IKBKB-DT: variants seen among roughly 807,000 people sequenced by gnomAD.
The protein encoded by IKBKB-DT is IKBKB divergent transcript, also known as IKBKB antisense RNA.
At chr8:42,247,998 C>G (rs1807083050) in intron 3 of IKBKB-DT, among the ~76,000 whole-genome samples, 1 of 151,324 alleles carries the variant, frequency 6.6e-6, no homozygotes, top group African/African-American at 2.4e-5. Context: ...GAGGCTGAGG[C>G]AGAAGAATTG....
chr8:42,251,703 C>A (rs1807130113), intron 3 of IKBKB-DT, among the ~76,000 whole-genome samples: 1 of 151,888 alleles, frequency 6.6e-6, no homozygotes, highest in South Asian at 2.1e-4. Flanking sequence ...TGGTGGCAGA[C>A]ACCTGTAATC....
intron 3 of IKBKB-DT, among the ~76,000 whole-genome samples, chr8:42,235,205 C>CTTT (rs746414963): frequency 4.5e-4 from 45 of 99,388 alleles, no homozygotes; most frequent in African/African-American, 1.0e-3. Flanking sequence ...CTTTTATTTT[C>CTTT]TTTTTTTTTT....
chr8:42,261,088 G>A (rs747534006), intron 3 of IKBKB-DT, among the ~76,000 whole-genome samples: 20 of 152,202 alleles, frequency 1.3e-4, no homozygotes, highest in Non-Finnish European at 2.4e-4. Flanking sequence ...CACTTTGGGA[G>A]GCTGGGGCAG....
In IKBKB-DT at chr8:42,268,495, T is replaced by C. The variant is rs530607827; in HGVS notation, n.604-2099A>G. Among the ~76,000 whole-genome samples, 8 of 152,222 alleles carry C rather than the reference T, an allele frequency of 5.3e-5. No individual in the cohort carries two copies. In the South Asian group the frequency reaches 1.7e-3, roughly 32 times the overall value. On this transcript the variant is annotated intron_variant and non_coding_transcript_variant, in intron 1 of 3. Coordinates refer to ENST00000518213, the Ensembl canonical transcript of IKBKB-DT. ...TATGTTGGCCAGGCTAGTCTTGAAC[T>C]CCTGACCTCAAGTGATCTGCCTGCC...
At chr8:42,235,447 T>G (rs1365564866) in intron 3 of IKBKB-DT, among the ~76,000 whole-genome samples, 2 of 152,140 alleles carry the variant, frequency 1.3e-5, no homozygotes, top group Non-Finnish European at 2.9e-5. Context: ...TCAAGTGATC[T>G]GCCCACCTTG....
chr8:42,255,369 C>A (rs1374954867), intron 3 of IKBKB-DT: 1 of 152,212 alleles, frequency 6.6e-6, no homozygotes, highest in Non-Finnish European at 1.5e-5. Context: ...TCAGGTTAGA[C>A]TTTCCAAGTC....
At chr8:42,267,500 C>T (rs1389575193) in intron 1 of IKBKB-DT, among the ~76,000 whole-genome samples, 3 of 152,084 alleles carry the variant, frequency 2.0e-5, no homozygotes, top group Non-Finnish European at 4.4e-5. Flanking sequence ...TCATGGCTCC[C>T]TGTGGGTCTT....
intron 3 of IKBKB-DT, chr8:42,249,189 G>A (rs985806888): frequency 1.3e-5 from 2 of 151,718 alleles, no homozygotes; most frequent in African/African-American, 4.8e-5. Context: ...AGCAATACAG[G>A]GGACCCCATC....
intron 3 of IKBKB-DT, among the ~76,000 whole-genome samples, chr8:42,254,583 T>A (rs189068752): frequency 3.0e-4 from 42 of 141,580 alleles, no homozygotes; most frequent in Admixed American, 5.0e-4. Context: ...GGCTGCCCAC[T>A]GTCTGGGAAG....
In IKBKB-DT at chr8:42,253,687, A is replaced by T. The variant is rs184380257; in HGVS notation, n.1529+9642T>A. ...TGCTGTAAAGAAATAGCACTTGAAC[A>T]TAAATTTAATTTACTCAGCAAGGCC... is the stretch of plus-strand genomic sequence containing the variant. On this transcript the variant is annotated intron_variant and non_coding_transcript_variant, in intron 3 of 3. Coordinates refer to ENST00000518213, the Ensembl canonical transcript of IKBKB-DT. Among the ~76,000 whole-genome samples the T allele has an allele frequency of 2.0e-5, 3 of 152,354 alleles. No homozygotes were observed. The East Asian group carries it at 5.8e-4, about 29-fold the overall frequency.
intron 3 of IKBKB-DT, among the ~76,000 whole-genome samples, chr8:42,259,929 C>T (rs1208026687): frequency 6.8e-6 from 1 of 146,260 alleles, no homozygotes. Flanking sequence ...TTGCAGTGAG[C>T]TGAGATTGTG....
In IKBKB-DT at chr8:42,259,067, C is replaced by G. The variant is rs144084645; in HGVS notation, n.1529+4262G>C. Among the ~76,000 whole-genome samples, 22 of 151,860 alleles carry G rather than the reference C, an allele frequency of 1.4e-4. No homozygotes were observed. In the East Asian group the frequency reaches 4.2e-3, roughly 29 times the overall value. Reference sequence around the variant, plus strand: ...CGAGATGGAGTTTCACTCTCCTTGCCCAGGCTGGAATGCAATGGCGCTATC... The same window carrying G: ...CGAGATGGAGTTTCACTCTCCTTGCGCAGGCTGGAATGCAATGGCGCTATC... On this transcript the variant is annotated intron_variant and non_coding_transcript_variant, in intron 3 of 3. Transcript: ENST00000518213.
intron 1 of IKBKB-DT, among the ~76,000 whole-genome samples, chr8:42,267,795 G>A (rs2129938981): frequency 6.6e-6 from 1 of 152,120 alleles, no homozygotes; most frequent in East Asian, 1.9e-4. Context: ...TATCTGGATA[G>A]AAAATTGAGC....
rs1806998109 is a variant in IKBKB-DT at position 42,241,222 on chromosome 8, ATCTT to A, written n.1530-7367_1530-7364del. On this transcript the variant is annotated intron_variant and non_coding_transcript_variant, in intron 3 of 3. Coordinates refer to ENST00000518213, the Ensembl canonical transcript of IKBKB-DT. Reference sequence around the variant, plus strand: ...AGTTGATGCCTTTAGATATGTTGGAATCTTTTTTTTTTTTTTTTTTTTTTTTTTT... The same window carrying A: ...AGTTGATGCCTTTAGATATGTTGGAATTTTTTTTTTTTTTTTTTTTTTTTT... Among the ~76,000 whole-genome samples, 11 of 66,628 alleles carry A rather than the reference ATCTT, an allele frequency of 1.7e-4. 1 individual carries two copies. The highest frequency in any genetic ancestry group is 2.4e-4 in the African/African-American group (5 of 20,822). The allele number at this position is 66,628 out of a possible 152,430, so 43.7% of individuals were successfully genotyped here.
At chr8:42,242,730 C>T (rs1404930929) in intron 3 of IKBKB-DT, among the ~76,000 whole-genome samples, 1 of 152,240 alleles carries the variant, frequency 6.6e-6, no homozygotes, top group African/African-American at 2.4e-5. Flanking sequence ...AGTGTCCCCT[C>T]ATGCATGCTG....
intron 3 of IKBKB-DT, among the ~76,000 whole-genome samples, chr8:42,260,888 A>G (rs1807277851): frequency 6.6e-6 from 1 of 152,146 alleles, no homozygotes; most frequent in Non-Finnish European, 1.5e-5. Context: ...TGCCACAGAA[A>G]TGAGATGCCT....
chr8:42,237,090 T>TTG (rs57301672), intron 3 of IKBKB-DT, among the ~76,000 whole-genome samples: 2,233 of 138,368 alleles, frequency 0.016, 24 homozygotes, highest in Non-Finnish European at 0.023. Context: ...GTTTTTTTTT[T>TTG]TTGTTTGTTT....
At chr8:42,244,111 A>G (rs1187967399) in intron 3 of IKBKB-DT, among the ~76,000 whole-genome samples, 3 of 152,204 alleles carry the variant, frequency 2.0e-5, no homozygotes, top group Non-Finnish European at 4.4e-5. Flanking sequence ...ATTTATGAAA[A>G]TGTTTCACAA....
intron 3 of IKBKB-DT, among the ~76,000 whole-genome samples, chr8:42,242,956 G>A (rs779514439): frequency 5.3e-5 from 8 of 152,232 alleles, no homozygotes; most frequent in Admixed American, 1.3e-4. Context: ...ATTCACAAGC[G>A]CGAGTTCTGG....
Sources: gnomAD v4.1 joint callset for allele counts (sites outside exome capture counted in the v4.1 genomes callset) on GRCh38, gnomAD v4.1.1 for gene constraint, MANE v1.5 for transcripts, NCBI Gene and HGNC (gene_info 2026-07-23, HGNC 2026-07-21) for gene names.